Variants in ZNF689 observed in about 807,000 individuals in gnomAD.
ZNF689 encodes zinc finger protein 689, also known as short ORF-encoded histone-binding protein.
Under a neutral mutation model 37.2 loss-of-function variants are expected in ZNF689, and 14 were observed. The ratio of observed to expected loss-of-function variants is 0.38; its 90% CI spans 0.25 to 0.59. ZNF689 has a LOEUF of 0.59. ZNF689 is among the 20% of genes least tolerant of loss of function. ZNF689 has a pLI of 0.68. For missense variants in ZNF689, 573 were observed against 700.2 expected, an observed-to-expected ratio of 0.82 and a Z score of 2.05; for synonymous variants, 277 against 283.3, an observed-to-expected ratio of 0.98 and a Z score of 0.22.
rs758801900 is a variant in ZNF689 at position 30,604,808 on chromosome 16, G to A, written c.959C>T (p.Pro320Leu). The A allele has an allele frequency of 1.4e-5, 22 of 1,609,526 alleles. No individual in the cohort carries two copies. In the Admixed American group the frequency reaches 3.3e-4, roughly 24 times the overall value. ...GGAGGAGAAGCGCCGCTCGCAGTCC[G>A]GGCACGGGTAGGGCTTCTCGCCCGT... The part of the protein sequence containing the change: ...IHTGEKPYPC[P>L]DCERRFSSSS... Residue 320 changes from proline (P) to leucine (L), a missense_variant, in exon 3 of 3, where the codon CCG becomes CTG. By Grantham distance (98) the Pro-to-Leu change is moderately conservative. Coordinates refer to ENST00000287461, the MANE Select transcript of ZNF689 (RefSeq NM_138447.3). This position sits in a 1 kb window ranked among gnomAD's most constrained non-coding sequence, Gnocchi z 5.2.
intron 2 of ZNF689, among the ~76,000 whole-genome samples, chr16:30,606,721 C>T (rs896825577): frequency 7.9e-5 from 12 of 151,822 alleles, no homozygotes; most frequent in Middle Eastern, 3.2e-3. Flanking sequence ...AGGTTGGTCT[C>T]GAACTCCTGA....
At chr16:30,610,559 C>G (rs2052088051), upstream of ZNF689, 1 of 157,268 alleles carries the variant, frequency 6.4e-6, no homozygotes, top group African/African-American at 2.4e-5. Context: ...CAGGCGACTA[C>G]AAGGAGTTGT....
Position 30,604,747 on chromosome 16 carries a change from A to C in ZNF689, c.1020T>G (p.Ser340=), listed in dbSNP as rs776795409. The part of the protein sequence containing the change: ...SRLVSHRRVH[S]GERPYACEHC... ...GCTCGCAGGCATAGGGACGCTCCCC[A>C]GAGTGCACACGCCGGTGACTGACCA... Residue 340 remains serine, a synonymous_variant, in exon 3 of 3, where the codon TCT becomes TCG. Coordinates refer to ENST00000287461, the MANE Select transcript of ZNF689 (RefSeq NM_138447.3). This position sits in a 1 kb window ranked among gnomAD's most constrained non-coding sequence, Gnocchi z 5.2. 2 of 1,605,926 alleles carry C rather than the reference A, an allele frequency of 1.2e-6. No homozygotes were observed. Among genetic ancestry groups the C allele is most frequent in the East Asian group, 2.2e-5 (1 of 44,652 alleles).
chr16:30,606,475 G>A (rs2052037377), intron 2 of ZNF689, among the ~76,000 whole-genome samples: 1 of 151,614 alleles, frequency 6.6e-6, no homozygotes, highest in Non-Finnish European at 1.5e-5. Flanking sequence ...ATGCTTTACA[G>A]CGTATGTTCT....
rs2052008785 is a variant in ZNF689 at position 30,604,133 on chromosome 16, T to A, written c.*131A>T. On this transcript the variant is annotated 3_prime_UTR_variant, in exon 3 of 3. Coordinates refer to ENST00000287461, the MANE Select transcript of ZNF689 (RefSeq NM_138447.3). The surrounding 1 kb of genome is among the most constrained non-coding windows in gnomAD (Gnocchi z 5.2). ...GGGAGGCAGCCAGCGCATTGCAAGA[T>A]ACAAAGTTCAGCTCTGTGCAGCAGG... 6.0e-6 allele frequency: 6 copies of A among 1,002,154 alleles called. No homozygotes were observed. The highest frequency in any genetic ancestry group is 9.3e-6 in the Non-Finnish European group (6 of 647,160). The allele number at this position is 1,002,154 out of a possible 1,614,324, so 62.1% of individuals were successfully genotyped here.
rs1440378985 is a variant in ZNF689, at chr16:30,604,398, A to T, written c.1369T>A (p.Phe457Ile). The T allele has an allele frequency of 1.9e-6, 3 of 1,613,746 alleles. No homozygotes were observed. Among genetic ancestry groups the T allele is most frequent in the Non-Finnish European group, 2.5e-6 (3 of 1,179,982 alleles). Residue 457 changes from phenylalanine (F) to isoleucine (I), a missense_variant, in exon 3 of 3, where the codon TTC becomes ATC. Transcript: ENST00000287461. This position sits in a 1 kb window ranked among gnomAD's most constrained non-coding sequence, Gnocchi z 5.2. Reference protein sequence around the residue: ...HQLLHTGEKPFPCLECGRCFR... With the variant: ...HQLLHTGEKPIPCLECGRCFR... ...CACCGGCCACACTCGAGGCAGGGGA[A>T]AGGCTTCTCCCCCGTGTGCAGCAGC...
Position 30,604,809 on chromosome 16 carries a change from G to C in ZNF689, c.958C>G (p.Pro320Ala). 6.2e-7 allele frequency: 1 copy of C among 1,609,614 alleles called. No homozygotes were observed. Among genetic ancestry groups the C allele is most frequent in the Non-Finnish European group, 8.5e-7 (1 of 1,177,564 alleles). ...IHTGEKPYPC[P>A]DCERRFSSSS... ...GAGGAGAAGCGCCGCTCGCAGTCCG[G>C]GCACGGGTAGGGCTTCTCGCCCGTG... Residue 320 changes from proline to alanine, a missense_variant, in exon 3 of 3, where the codon CCG (proline) becomes GCG (alanine). Physicochemically the swap from Pro to Ala is conservative, Grantham distance 27. Around this residue, in one of 3 missense-constraint regions of ZNF689, gnomAD observed 317 missense variants for 367.1 expected, o/e 0.86. Transcript: ENST00000287461. The surrounding 1 kb of genome is among the most constrained non-coding windows in gnomAD (Gnocchi z 5.2).
chr16:30,610,031 G>A lies in ZNF689; in HGVS notation c.11C>T (p.Pro4Leu). The A allele has an allele frequency of 6.3e-7, 1 of 1,596,922 alleles. No individual in the cohort carries two copies. Among genetic ancestry groups the A allele is most frequent in the Non-Finnish European group, 8.5e-7 (1 of 1,173,300 alleles). Residue 4 changes from proline (P) to leucine (L), a missense_variant, in exon 1 of 3, where the codon CCT becomes CTT. Pro to Leu is a moderately conservative substitution (Grantham distance 98). This residue lies in a region of ZNF689 where 252 missense variants were observed against 313.3 expected (regional missense o/e 0.80). Coordinates refer to ENST00000287461, the MANE Select transcript of ZNF689 (RefSeq NM_138447.3). The part of the protein sequence containing the change: MAP[P>L]SAPLPAQGPG... ...TCCCTGCGCAGGGAGCGGAGCCGAA[G>A]GTGGCGCCATGGGACCCGAGAAGCC...
Position 30,604,793 on chromosome 16 carries a change from C to T in ZNF689, c.974G>A (p.Arg325His), listed in dbSNP as rs374687630. The T allele has an allele frequency of 8.1e-6, 13 of 1,608,886 alleles. No homozygotes were observed. The highest frequency in any genetic ancestry group is 2.7e-5 in the African/African-American group (2 of 74,766). Residue 325 changes from arginine (R) to histidine (H), a missense_variant, in exon 3 of 3, where the codon CGC (arginine) becomes CAC (histidine). Physicochemically the swap from Arg to His is conservative, Grantham distance 29. This residue lies in a region of ZNF689 where 317 missense variants were observed against 367.1 expected (regional missense o/e 0.86). Coordinates refer to ENST00000287461, the MANE Select transcript of ZNF689 (RefSeq NM_138447.3). The surrounding 1 kb of genome is among the most constrained non-coding windows in gnomAD (Gnocchi z 5.2). Reference protein sequence around the residue: ...KPYPCPDCERRFSSSSRLVSH... With the variant: ...KPYPCPDCERHFSSSSRLVSH... ...GACCAGGCGAGAGGAGGAGGAGAAG[C>T]GCCGCTCGCAGTCCGGGCACGGGTA... is the stretch of plus-strand genomic sequence containing the variant.
chr16:30,604,164 C>T lies in ZNF689; in HGVS notation c.*100G>A, dbSNP rs562023799. ...GTTCAGCTCTGTGCAGCAGGAGACC[C>T]GGGTTTAGTTCTGACTCTGCCCTGT... On this transcript the variant is annotated 3_prime_UTR_variant, in exon 3 of 3. Transcript: ENST00000287461. This position sits in a 1 kb window ranked among gnomAD's most constrained non-coding sequence, Gnocchi z 5.2. The T allele has an allele frequency of 1.4e-5, 18 of 1,301,570 alleles. No individual in the cohort carries two copies. Among genetic ancestry groups the T allele is most frequent in the Non-Finnish European group, 2.0e-5 (18 of 915,404 alleles). 80.6% of individuals were successfully genotyped at this position (1,301,570 alleles called of 1,614,324 possible).
chr16:30,610,228 G>T lies in ZNF689; in HGVS notation c.-187C>A. 1.4e-6 allele frequency: 1 copy of T among 699,732 alleles called. No individual in the cohort carries two copies. The highest frequency in any genetic ancestry group is 2.3e-6 in the Non-Finnish European group (1 of 436,748). 43.3% of individuals were successfully genotyped at this position (699,732 alleles called of 1,614,324 possible). On this transcript the variant is annotated 5_prime_UTR_variant, in exon 1 of 3. Transcript: ENST00000287461. ...TTTTGCTGTTATTCAGGAAACTCCT[G>T]CCCGAACTTGGGTGAAAGGCACCGG...
intron 2 of ZNF689, chr16:30,608,732 T>C (rs2052059257): frequency 6.6e-6 from 1 of 152,206 alleles, no homozygotes; most frequent in Non-Finnish European, 1.5e-5. Flanking sequence ...ATATAACCAA[T>C]GGCCATTTAA....
chr16:30,605,044 G>T lies in ZNF689; in HGVS notation c.723C>A (p.Cys241Ter), dbSNP rs2052022373. 1 of 1,613,310 alleles carries T rather than the reference G, an allele frequency of 6.2e-7. No individual in the cohort carries two copies. Among genetic ancestry groups the T allele is most frequent in the Non-Finnish European group, 8.5e-7 (1 of 1,179,528 alleles). ...KPYHCPDCGR[C>*]FRRSRSLANH... ...TGGCCAAGGACCGGCTCCTCCGGAA[G>T]CAGCGACCACAGTCAGGGCAGTGAT... Residue 241 changes from cysteine to a stop codon, truncating the protein, a stop_gained, in exon 3 of 3, where the codon TGC (cysteine) becomes TGA (stop). Transcript: ENST00000287461. LOFTEE classifies it high-confidence loss of function. This position sits in a 1 kb window ranked among gnomAD's most constrained non-coding sequence, Gnocchi z 5.1.
At position 30,603,723 on chromosome 16, in the gene ZNF689, G is replaced by T. The variant is rs1351069599; in HGVS notation, c.*541C>A. 1.3e-5 allele frequency: 3 copies of T among 224,324 alleles called. No individual in the cohort carries two copies. The highest frequency in any genetic ancestry group is 2.3e-5 in the African/African-American group (1 of 43,754). 13.9% of individuals were successfully genotyped at this position (224,324 alleles called of 1,614,324 possible). A position where few individuals can be genotyped will look rare whatever the true frequency, so the allele number is the denominator to read the frequency against. ...GTAGGCAAGGTTTAGAGGAGAATGT[G>T]GTACTTAACCTTCTATAGATCCCAC... On this transcript the variant is annotated 3_prime_UTR_variant, in exon 3 of 3. Coordinates refer to ENST00000287461, the MANE Select transcript of ZNF689 (RefSeq NM_138447.3).
In ZNF689 at chr16:30,604,721, T is replaced by C. The variant is rs2052018091; in HGVS notation, c.1046A>G (p.His349Arg). 1 of 1,600,864 alleles carries C rather than the reference T, an allele frequency of 6.2e-7. No homozygotes were observed. The highest frequency in any genetic ancestry group is 1.4e-5 in the African/African-American group (1 of 72,776). Residue 349 changes from histidine to arginine, a missense_variant, in exon 3 of 3, where the codon CAC becomes CGC. His to Arg is a conservative substitution (Grantham distance 29). Coordinates refer to ENST00000287461, the MANE Select transcript of ZNF689 (RefSeq NM_138447.3). This position sits in a 1 kb window ranked among gnomAD's most constrained non-coding sequence, Gnocchi z 5.2. ...HSGERPYACEHCEARFSQRST... is the reference protein window; with the variant it reads ...HSGERPYACERCEARFSQRST... ...GCGCTGGGAGAAGCGGGCCTCACAG[T>C]GCTCGCAGGCATAGGGACGCTCCCC... is the stretch of plus-strand genomic sequence containing the variant.
At position 30,604,820 on chromosome 16, in the gene ZNF689, G is replaced by A; in HGVS notation, c.947C>T (p.Pro316Leu). The A allele has an allele frequency of 1.2e-6, 2 of 1,608,308 alleles. No homozygotes were observed. Among genetic ancestry groups the A allele is most frequent in the Non-Finnish European group, 1.7e-6 (2 of 1,176,848 alleles). ...IHQRIHTGEK[P>L]YPCPDCERRF... ...CCGCTCGCAGTCCGGGCACGGGTAG[G>A]GCTTCTCGCCCGTGTGGATGCGCTG... Residue 316 changes from proline to leucine, a missense_variant, in exon 3 of 3, where the codon CCC becomes CTC. This residue lies in a region of ZNF689 where 317 missense variants were observed against 367.1 expected (regional missense o/e 0.86). Coordinates refer to ENST00000287461, the MANE Select transcript of ZNF689 (RefSeq NM_138447.3). This position sits in a 1 kb window ranked among gnomAD's most constrained non-coding sequence, Gnocchi z 5.2.
chr16:30,605,364 G>T lies in ZNF689; in HGVS notation c.403C>A (p.Pro135Thr). ...APRKGKRGRR[P>T]SKPRLIPRQT... ...CTAGGAATCAGTCGGGGTTTGCTGG[G>T]CCTCCGGCCTCGCTTCCCCTTTCGG... Residue 135 changes from proline (P) to threonine (T), a missense_variant, in exon 3 of 3, where the codon CCC (proline) becomes ACC (threonine). Physicochemically the swap from Pro to Thr is conservative, Grantham distance 38. Transcript: ENST00000287461. This position sits in a 1 kb window ranked among gnomAD's most constrained non-coding sequence, Gnocchi z 5.1. The T allele has an allele frequency of 6.2e-7, 1 of 1,614,004 alleles. No homozygotes were observed. Among genetic ancestry groups the T allele is most frequent in the Non-Finnish European group, 8.5e-7 (1 of 1,179,930 alleles).
chr16:30,609,352 A>AG, intron 2 of ZNF689, 173 bp downstream of exon 2: 1 of 505,600 alleles, frequency 2.0e-6, no homozygotes, highest in Non-Finnish European at 3.6e-6. Flanking sequence ...AGACTGACAT[A>AG]GGAATCTCTG....
Position 30,605,161 on chromosome 16 carries a change from C to A in ZNF689, c.606G>T (p.Glu202Asp), listed in dbSNP as rs2052023577. ...LVSHRRAHSG[E>D]CPYVCDQCGK... ...CACACTGGTCACAAACATAGGGGCACTCGCCGGAGTGTGCCCGCCGGTGAC... is the reference window on the plus strand; with the variant it reads ...CACACTGGTCACAAACATAGGGGCAATCGCCGGAGTGTGCCCGCCGGTGAC... The change falls in exon 3 of 3, where the codon GAG (glutamate) becomes GAT (aspartate). Residue 202 changes from glutamate to aspartate, a missense_variant. Coordinates refer to ENST00000287461, the MANE Select transcript of ZNF689 (RefSeq NM_138447.3). The surrounding 1 kb of genome is among the most constrained non-coding windows in gnomAD (Gnocchi z 5.1). 2 of 1,614,158 alleles carry A rather than the reference C, an allele frequency of 1.2e-6. No homozygotes were observed. Among genetic ancestry groups the A allele is most frequent in the Non-Finnish European group, 1.7e-6 (2 of 1,180,022 alleles).
Sources: gnomAD v4.1 joint callset for allele counts (sites outside exome capture counted in the v4.1 genomes callset) on GRCh38, gnomAD v4.1.1 for gene constraint, gnomAD v4.1.1 regional missense constraint, Gnocchi (gnomAD v3.1) non-coding constraint, MANE v1.5 for transcripts, NCBI Gene and HGNC (gene_info 2026-07-23, HGNC 2026-07-21) for gene names.